KCNIP4: variants seen among roughly 807,000 people sequenced by gnomAD.
KCNIP4 encodes the protein Kv channel-interacting protein 4.
In KCNIP4, 12 loss-of-function variants were observed where a neutral mutation model predicts 34.0. That is an observed-to-expected ratio of 0.35 (90% CI 0.23 to 0.57). KCNIP4 has a LOEUF of 0.57. KCNIP4 is among the 20% of genes least tolerant of loss of function. KCNIP4 has a pLI of 0.83. For missense variants in KCNIP4, 238 were observed against 311.7 expected (o/e 0.76, Z 1.78); for synonymous variants, 124 against 102.2 (o/e 1.21, Z -1.29).
chr4:21,152,151 G>A (rs6818659), intron 1 of KCNIP4, among the ~76,000 whole-genome samples: 12,722 of 152,126 alleles, frequency 0.084, 659 homozygotes, highest in East Asian at 0.19. Flanking sequence ...TACTTGGGAG[G>A]CTGAGGCAGG....
chr4:21,572,040 T>C (rs558026206), intron 1 of KCNIP4, among the ~76,000 whole-genome samples: 6 of 152,242 alleles, frequency 3.9e-5, no homozygotes, highest in Non-Finnish European at 8.8e-5. Flanking sequence ...GATGCAAAAA[T>C]AGAATTTAAA....
intron 1 of KCNIP4, among the ~76,000 whole-genome samples, chr4:21,199,471 C>G (rs1007606287): frequency 1.3e-5 from 2 of 152,066 alleles, no homozygotes; most frequent in East Asian, 3.9e-4. Flanking sequence ...GATATTAGCC[C>G]TTTGTCAGAT....
At chr4:20,766,228 G>A (rs1755399748) in intron 3 of KCNIP4, among the ~76,000 whole-genome samples, 1 of 152,120 alleles carries the variant, frequency 6.6e-6, no homozygotes, top group African/African-American at 2.4e-5. Flanking sequence ...TTAGAAAATA[G>A]CAGATCTAAT....
At chr4:21,777,218 G>A (rs1300652525) in intron 1 of KCNIP4, among the ~76,000 whole-genome samples, 1 of 152,156 alleles carries the variant, frequency 6.6e-6, no homozygotes, top group Non-Finnish European at 1.5e-5. Context: ...GCAGAATTGT[G>A]AGTCAATTAA....
At chr4:21,239,985 C>G (rs151017696) in intron 1 of KCNIP4, among the ~76,000 whole-genome samples, 2,072 of 151,982 alleles carry the variant, frequency 0.014, 36 homozygotes, top group African/African-American at 0.041. Context: ...AAATGTCCAA[C>G]AATGATAGAT....
intron 1 of KCNIP4, among the ~76,000 whole-genome samples, chr4:21,511,018 T>C (rs1040886029): frequency 3.3e-5 from 5 of 152,066 alleles, no homozygotes; most frequent in African/African-American, 1.2e-4. Flanking sequence ...CACTCCAGCC[T>C]GGGCGACAGA....
chr4:20,888,793 G>A (rs1378253150), intron 1 of KCNIP4, among the ~76,000 whole-genome samples: 1 of 151,706 alleles, frequency 6.6e-6, no homozygotes, highest in African/African-American at 2.4e-5. Context: ...CCAAATTAAG[G>A]GCCTGGCCAG....
chr4:21,580,626 T>C (rs533420886), intron 1 of KCNIP4, among the ~76,000 whole-genome samples: 1 of 152,236 alleles, frequency 6.6e-6, no homozygotes, highest in East Asian at 1.9e-4. Context: ...AAACAAATGT[T>C]TAAAATGATC....
At chr4:21,528,310 A>G (rs1736151885) in intron 1 of KCNIP4, among the ~76,000 whole-genome samples, 2 of 152,048 alleles carry the variant, frequency 1.3e-5, no homozygotes, top group African/African-American at 4.8e-5. Flanking sequence ...ATGATTGTAC[A>G]ATGCTTGACC....
chr4:21,742,115 G>C (rs528766130), intron 1 of KCNIP4, among the ~76,000 whole-genome samples: 1 of 152,084 alleles, frequency 6.6e-6, no homozygotes, highest in South Asian at 2.1e-4. Context: ...AAAAACTCAA[G>C]TACCAAATTG....
At chr4:21,007,767 A>C (rs1283400226) in intron 1 of KCNIP4, among the ~76,000 whole-genome samples, 1 of 152,214 alleles carries the variant, frequency 6.6e-6, no homozygotes, top group Non-Finnish European at 1.5e-5. Flanking sequence ...GATTTTGAAC[A>C]GTCCCAGGTG....
intron 1 of KCNIP4, among the ~76,000 whole-genome samples, chr4:20,986,323 T>C (rs1736574567): frequency 6.6e-6 from 1 of 152,218 alleles, no homozygotes; most frequent in Non-Finnish European, 1.5e-5. Context: ...GAGATATCCT[T>C]GTATCCACCT....
intron 1 of KCNIP4, among the ~76,000 whole-genome samples, chr4:21,105,521 T>C (rs1310793090): frequency 6.6e-6 from 1 of 151,688 alleles, no homozygotes; most frequent in Non-Finnish European, 1.5e-5. Context: ...TTTCTAGATA[T>C]ACAATCATGT....
intron 1 of KCNIP4, among the ~76,000 whole-genome samples, chr4:21,340,961 T>C (rs1288490437): frequency 6.6e-6 from 1 of 152,144 alleles, no homozygotes; most frequent in Non-Finnish European, 1.5e-5. Flanking sequence ...TGTGACCTTA[T>C]TGGAAAATAT....
chr4:21,552,899 G>T (rs1055065707), intron 1 of KCNIP4, among the ~76,000 whole-genome samples: 2 of 152,032 alleles, frequency 1.3e-5, no homozygotes, highest in African/African-American at 2.4e-5. Flanking sequence ...TTAAAGTAGG[G>T]TGTAAAAGAG....
chr4:20,838,474 T>C lies in KCNIP4; in HGVS notation c.288+12069A>G, dbSNP rs1266242267. Among the ~76,000 whole-genome samples, 36 of 152,186 alleles carry C rather than the reference T, an allele frequency of 2.4e-4. 1 individual carries two copies. Among genetic ancestry groups the C allele is most frequent in the Admixed American group, 2.3e-3 (35 of 15,270 alleles). On this transcript the variant is annotated intron_variant, in intron 3 of 8. Transcript: ENST00000382152. Reference sequence around the variant, plus strand: ...AACTTCTCCTTTTGCATTTATATACTGATATTTAGCCAGAAACTACATTTC... The same window carrying C: ...AACTTCTCCTTTTGCATTTATATACCGATATTTAGCCAGAAACTACATTTC...
At chr4:20,947,903 G>A (rs572375769) in intron 1 of KCNIP4, among the ~76,000 whole-genome samples, 1 of 152,142 alleles carries the variant, frequency 6.6e-6, no homozygotes, top group Non-Finnish European at 1.5e-5. Context: ...CAGTAAACTT[G>A]GATCCCAGTT....
chr4:20,901,450 G>A (rs1351702270), intron 1 of KCNIP4, among the ~76,000 whole-genome samples: 1 of 152,204 alleles, frequency 6.6e-6, no homozygotes, highest in African/African-American at 2.4e-5. Flanking sequence ...ATTCTCAGGT[G>A]ATTTGTATGC....
At chr4:21,054,521 GA>G (rs111426552) in intron 1 of KCNIP4, among the ~76,000 whole-genome samples, 4,671 of 98,360 alleles carry the variant, frequency 0.047, 199 homozygotes, top group African/African-American at 0.15. Flanking sequence ...CTCTGTCAAA[GA>G]AAAAAAAAAA....
Sources: gnomAD v4.1 joint callset for allele counts (sites outside exome capture counted in the v4.1 genomes callset) on GRCh38, gnomAD v4.1.1 for gene constraint, MANE v1.5 for transcripts, NCBI Gene and HGNC (gene_info 2026-07-23, HGNC 2026-07-21) for gene names.